AGL: variants seen among roughly 807,000 people sequenced by gnomAD.
The protein encoded by AGL is amylo-alpha-1,6-glucosidase and 4-alpha-glucanotransferase, also known as glycogen debranching enzyme.
Under a neutral mutation model 199.3 loss-of-function variants are expected in AGL, and 128 were observed. The ratio of observed to expected loss-of-function variants is 0.64; its 90% CI spans 0.56 to 0.74. AGL has a LOEUF of 0.74. AGL is among the 30% of genes least tolerant of loss of function. The pLI, the probability that AGL is intolerant of heterozygous loss-of-function variation, is 0.00. For synonymous variants in AGL, 584 were observed against 594.7 expected (o/e 0.98, Z 0.26); for missense variants, 1,809 against 1,820.8 (o/e 0.99, Z 0.12).
rs746588425 is a variant in AGL at position 99,916,432 on chromosome 1, T to C, written c.4282T>C (p.Tyr1428His). 4 of 1,611,786 alleles carry C rather than the reference T, an allele frequency of 2.5e-6. No individual in the cohort carries two copies. In the East Asian group the frequency reaches 6.7e-5, roughly 27 times the overall value. Residue 1428 changes from tyrosine to histidine, a missense_variant, in exon 32 of 34, where the codon TAT becomes CAT. Tyr to His is a moderately conservative substitution (Grantham distance 83, BLOSUM62 2). Transcript: ENST00000361915. ...DPDDMVYCGI[Y>H]DNALDNDNYN... is the part of the protein sequence containing the mutation. The stretch of plus-strand genomic sequence containing the variant: ...CAGTGATATGGTTTACTGTGGAATT[T>C]ATGACAATGCATTAGACAATGACAA...
At chr1:99,921,389 A>G in intron 33 of AGL, 145 bp from the exon 34 acceptor site, 1 of 664,554 alleles carries the variant, frequency 1.5e-6, no homozygotes, top group Non-Finnish European at 2.7e-6. Flanking sequence ...ATTCATTTGT[A>G]TGTCTTTAGG....
At chr1:99,870,625 T>G in intron 6 of AGL, 44 bp downstream of exon 6, 2 of 1,599,054 alleles carry the variant, frequency 1.3e-6, no homozygotes, top group Non-Finnish European at 1.7e-6. Context: ...AGAAAAAATT[T>G]CTAAAGCACA....
rs1652017114 is a variant in AGL, at chr1:99,881,432, C to T, written c.2142C>T (p.Ala714=). ...AISKLHQELG[A]KGFIQVYVDQ... ...GTAAACTTCATCAGGAGCTTGGAGCCAAGGGTTTTATTCAGGCAAGAAATA... is the reference window on the plus strand; with the variant it reads ...GTAAACTTCATCAGGAGCTTGGAGCTAAGGGTTTTATTCAGGCAAGAAATA... The change falls in exon 16 of 34, where the codon GCC becomes GCT. Residue 714 remains alanine (A), a synonymous_variant. Coordinates refer to ENST00000361915, the MANE Select transcript of AGL (RefSeq NM_000642.3). The T allele has an allele frequency of 6.2e-7, 1 of 1,614,012 alleles. No individual in the cohort carries two copies. The highest frequency in any genetic ancestry group is 1.3e-5 in the African/African-American group (1 of 75,012).
At chr1:99,906,712 CCTT>C (rs1440107288) in intron 27 of AGL, among the ~76,000 whole-genome samples, 2 of 152,124 alleles carry the variant, frequency 1.3e-5, no homozygotes, top group Non-Finnish European at 1.5e-5. Flanking sequence ...GACAGGATTC[CCTT>C]CTTTTTCAAG....
chr1:99,912,046 G>C (rs1325126580), intron 28 of AGL, among the ~76,000 whole-genome samples: 7 of 152,002 alleles, frequency 4.6e-5, no homozygotes, highest in Admixed American at 4.6e-4. Flanking sequence ...AAATTAATGT[G>C]TCTGCCTTCC....
intron 27 of AGL, among the ~76,000 whole-genome samples, chr1:99,908,740 C>T: frequency 6.6e-6 from 1 of 152,118 alleles, no homozygotes; most frequent in Non-Finnish European, 1.5e-5. Context: ...GACACTGGAT[C>T]CTATGAAATC....
At chr1:99,892,339 T>C in intron 23 of AGL, 93 bp from the exon 24 acceptor site, 6 of 1,160,432 alleles carry the variant, frequency 5.2e-6, no homozygotes, top group Non-Finnish European at 7.6e-6. Flanking sequence ...TAGATTTGTA[T>C]AGAAAAATCA....
chr1:99,870,678 A>G (rs1650916521), intron 6 of AGL, 80 bp from the exon 7 acceptor site: 12 of 1,467,380 alleles, frequency 8.2e-6, no homozygotes, highest in Non-Finnish European at 1.0e-5. Context: ...CTGTATTTTA[A>G]TATGATAAAC....
At chr1:99,893,431 A>G (rs1187729620) in intron 24 of AGL, among the ~76,000 whole-genome samples, 1 of 152,204 alleles carries the variant, frequency 6.6e-6, no homozygotes, top group Non-Finnish European at 1.5e-5. Flanking sequence ...TTAGATTTTC[A>G]TTTGACTGTT....
intron 1 of AGL, 124 bp from the exon 2 acceptor site, chr1:99,850,851 T>G: frequency 1.6e-6 from 1 of 636,222 alleles, no homozygotes; most frequent in Admixed American, 2.5e-5. Context: ...AGTTATAAGA[T>G]TCATTCTCTT....
At chr1:99,916,328 C>CTT in intron 31 of AGL, 82 bp from the exon 32 acceptor site, 1 of 1,079,874 alleles carries the variant, frequency 9.3e-7, no homozygotes, top group Admixed American at 2.1e-5. Context: ...TTTCTCTTAC[C>CTT]TTTGTTATTG....
At chr1:99,865,057 G>A (rs1650392444) in intron 5 of AGL, among the ~76,000 whole-genome samples, 1 of 151,992 alleles carries the variant, frequency 6.6e-6, no homozygotes, top group Non-Finnish European at 1.5e-5. Context: ...TATCCCACCT[G>A]GAATGTGACT....
At chr1:99,859,520 A>G (rs548689928) in intron 2 of AGL, among the ~76,000 whole-genome samples, 2 of 150,270 alleles carry the variant, frequency 1.3e-5, no homozygotes, top group East Asian at 2.0e-4. Flanking sequence ...AATGTGTACA[A>G]TGTAACAAAA....
At chr1:99,897,090 C>T (rs976638906) in intron 25 of AGL, among the ~76,000 whole-genome samples, 2 of 152,234 alleles carry the variant, frequency 1.3e-5, no homozygotes, top group African/African-American at 4.8e-5. Flanking sequence ...GCTGGGATTA[C>T]AGGCGTGAGC....
rs1360317986 is a variant in AGL at position 99,921,700 on chromosome 1, GTCA to G, written c.*54_*56del. On this transcript the variant is annotated 3_prime_UTR_variant, in exon 34 of 34. Transcript: ENST00000361915. ...AATTACTTGTATTATAGGATGCAAG[GTCA>G]TCATATGTAAATGCCTTATATGCAC... is the stretch of plus-strand genomic sequence containing the variant. The G allele has an allele frequency of 7.7e-7, 1 of 1,303,468 alleles. No homozygotes were observed. The highest frequency in any genetic ancestry group is 1.1e-6 in the Non-Finnish European group (1 of 903,252). 80.7% of individuals were successfully genotyped at this position (1,303,468 alleles called of 1,614,324 possible). A position where few individuals can be genotyped will look rare whatever the true frequency, so the allele number is the denominator to read the frequency against.
At chr1:99,879,819 T>A in intron 12 of AGL, 104 bp from the exon 13 acceptor site, 1 of 898,246 alleles carries the variant, frequency 1.1e-6, no homozygotes, top group South Asian at 1.3e-5. Context: ...CTGCATATTT[T>A]TCTATGTCAA....
At position 99,881,671 on chromosome 1, in the gene AGL, T is replaced by G; in HGVS notation, c.2288T>G (p.Val763Gly). 1 of 1,613,982 alleles carries G rather than the reference T, an allele frequency of 6.2e-7. No homozygotes were observed. Among genetic ancestry groups the G allele is most frequent in the Non-Finnish European group, 8.5e-7 (1 of 1,179,916 alleles). ...AAGACTTCATTTTACAGCAAGGAAGTGCCTCAAATGTGCATCCCTGGTAAT... is the reference window on the plus strand; with the variant it reads ...AAGACTTCATTTTACAGCAAGGAAGGGCCTCAAATGTGCATCCCTGGTAAT... ...NPKTSFYSKE[V>G]PQMCIPGKIE... is the part of the protein sequence containing the mutation. The change falls in exon 17 of 34, where the codon GTG becomes GGG. Residue 763 changes from valine (V) to glycine (G), a missense_variant. Coordinates refer to ENST00000361915, the MANE Select transcript of AGL (RefSeq NM_000642.3).
chr1:99,856,062 C>G (rs1258438965), intron 2 of AGL, among the ~76,000 whole-genome samples: 2 of 152,148 alleles, frequency 1.3e-5, no homozygotes, highest in African/African-American at 2.4e-5. Context: ...AGTTAAGTAT[C>G]CTAGCATTAG....
At chr1:99,871,818 G>A (rs1651042068) in intron 7 of AGL, among the ~76,000 whole-genome samples, 1 of 152,004 alleles carries the variant, frequency 6.6e-6, no homozygotes, top group African/African-American at 2.4e-5. Flanking sequence ...ATTGTAAAGA[G>A]AAAAAGCCCA....
Sources: gnomAD v4.1 joint callset for allele counts (sites outside exome capture counted in the v4.1 genomes callset) on GRCh38, gnomAD v4.1.1 for gene constraint, MANE v1.5 for transcripts, NCBI Gene and HGNC (gene_info 2026-07-23, HGNC 2026-07-21) for gene names.